MAFG: variants seen among roughly 807,000 people sequenced by gnomAD.
MAFG encodes the protein transcription factor MafG.
In MAFG, 3 loss-of-function variants were observed where a neutral mutation model predicts 12.2. That is an observed-to-expected ratio of 0.25 (90% confidence interval 0.11 to 0.64). MAFG has a LOEUF of 0.64. Among genes scored for constraint, MAFG ranks in the 30% least tolerant of loss-of-function variants. The pLI is 0.85. For synonymous variants in MAFG, 126 were observed against 109.1 expected, an observed-to-expected ratio of 1.15 and a Z score of -0.96; for missense variants, 153 against 235.5, an observed-to-expected ratio of 0.65 and a Z score of 2.29.
chr17:81,927,374 G>A (rs2040950255), intron 1 of MAFG, among the ~76,000 whole-genome samples, 154 bp downstream of exon 1: 1 of 151,240 alleles, frequency 6.6e-6, no homozygotes, highest in Admixed American at 6.6e-5. Flanking sequence ...CGCCAGCAGG[G>A]TGCGCGGCAG....
At chr17:81,923,481 A>C in intron 1 of MAFG, 2 of 369,578 alleles carry the variant, frequency 5.4e-6, no homozygotes, top group Non-Finnish European at 4.9e-6. Context: ...GCTGTTAGGA[A>C]GGCAGGCGCA....
In MAFG at chr17:81,918,487, G is replaced by C. The variant is rs1490345932; in HGVS notation, c.*4118C>G. On this transcript the variant is annotated 3_prime_UTR_variant, in exon 3 of 3. Coordinates refer to ENST00000357736, the MANE Select transcript of MAFG (RefSeq NM_002359.4). ...CCTGCCCGCCCTACACGAAGTGTGA[G>C]CGCTCGGGCCTCACCCCGCATCCAA... 6.0e-6 allele frequency: 1 copy of C among 167,854 alleles called. No individual in the cohort carries two copies. The highest frequency in any genetic ancestry group is 1.3e-5 in the Non-Finnish European group (1 of 77,812). 10.4% of individuals were successfully genotyped at this position (167,854 alleles called of 1,614,324 possible). A position where few individuals can be genotyped will look rare whatever the true frequency, so the allele number is the denominator to read the frequency against.
chr17:81,928,757 A>G (rs970111764), upstream of MAFG, among the ~76,000 whole-genome samples: 3 of 152,134 alleles, frequency 2.0e-5, no homozygotes, highest in Non-Finnish European at 2.9e-5. The surrounding 1 kb of genome is among the most constrained non-coding windows in gnomAD (Gnocchi z 8.1). Flanking sequence ...CGAGGCCTCA[A>G]CCTTAGTGTA....
chr17:81,923,319 C>G (rs2040913480), intron 1 of MAFG, 105 bp from the exon 2 acceptor site: 1 of 730,852 alleles, frequency 1.4e-6, no homozygotes, highest in Non-Finnish European at 2.1e-6. Flanking sequence ...ACAGCCCGCC[C>G]CAGCCTGCTG....
At position 81,922,532 on chromosome 17, in the gene MAFG, A is replaced by T; in HGVS notation, c.*73T>A. 8.6e-7 allele frequency: 1 copy of T among 1,161,690 alleles called. No individual in the cohort carries two copies. The highest frequency in any genetic ancestry group is 1.2e-6 in the Non-Finnish European group (1 of 864,574). The allele number at this position is 1,161,690 out of a possible 1,614,324, so 72.0% of individuals were successfully genotyped here. The stretch of plus-strand genomic sequence containing the variant: ...GGGAGGAAAGAGAAGAGAAGGAAAC[A>T]GAGGGACAGGGCAGCCAAATTCGCC... On this transcript the variant is annotated 3_prime_UTR_variant, in exon 3 of 3. Coordinates refer to ENST00000357736, the MANE Select transcript of MAFG (RefSeq NM_002359.4).
Position 81,921,686 on chromosome 17 carries a change from TTC to T in MAFG, c.*917_*918del, listed in dbSNP as rs1317186235. On this transcript the variant is annotated 3_prime_UTR_variant, in exon 3 of 3. Transcript: ENST00000357736. Reference sequence around the variant, plus strand: ...TAAGTTTACAAGAAAGGGATTTTTTTTCTTTTTTTTTCTTTTTTTTTTAACTA... The same window carrying T: ...TAAGTTTACAAGAAAGGGATTTTTTTTTTTTTTTTCTTTTTTTTTTAACTA... 2.1e-4 allele frequency: 31 copies of T among 151,092 alleles called. No individual in the cohort carries two copies. The highest frequency in any genetic ancestry group is 6.2e-4 in the African/African-American group (25 of 40,636). The allele number at this position is 151,092 out of a possible 1,614,324, so 9.4% of individuals were successfully genotyped here.
At chr17:81,929,943 CCCGCAGGCACCTCCCCGGCATCCT>C (rs1358919578), upstream of MAFG, 2 of 146,184 alleles carry the variant, frequency 1.4e-5, no homozygotes, top group African/African-American at 5.8e-5. The surrounding 1 kb of genome is among the most constrained non-coding windows in gnomAD (Gnocchi z 5.7). Flanking sequence ...GGGACTGAGC[CCCGCAGGCACCTCCCCGGCATCCT>C]CCCGCCCCAG....
chr17:81,923,309 A>C, intron 1 of MAFG, 95 bp from the exon 2 acceptor site: 8 of 669,600 alleles, frequency 1.2e-5, no homozygotes, highest in Non-Finnish European at 1.5e-5. Flanking sequence ...CCCTTGCCGC[A>C]CAGCCCGCCC....
Position 81,923,194 on chromosome 17 carries a change from G to T in MAFG, c.-9C>A, listed in dbSNP as rs185933287. 43 of 1,599,274 alleles carry T rather than the reference G, an allele frequency of 2.7e-5. No individual in the cohort carries two copies. In the African/African-American group the frequency reaches 5.0e-4, roughly 19 times the overall value. ...TTATTGGGGGTCGTCATAACCCGGG[G>T]GCACAGCGAGCAGGCGCTCTCTGCA... On this transcript the variant is annotated 5_prime_UTR_variant, in exon 2 of 3. Coordinates refer to ENST00000357736, the MANE Select transcript of MAFG (RefSeq NM_002359.4).
chr17:81,925,904 T>C (rs1237822209), intron 1 of MAFG, among the ~76,000 whole-genome samples: 4 of 150,058 alleles, frequency 2.7e-5, no homozygotes, highest in African/African-American at 4.9e-5. Context: ...AGCTAAAACA[T>C]TGAAACATCT....
upstream of MAFG, chr17:81,928,269 T>C (rs2040959459): frequency 6.6e-6 from 1 of 152,072 alleles, no homozygotes; most frequent in Non-Finnish European, 1.5e-5. This position sits in a 1 kb window ranked among gnomAD's most constrained non-coding sequence, Gnocchi z 8.1. Flanking sequence ...CTGCGCCACG[T>C]GTACCCAGAG....
At chr17:81,931,108 G>A (rs1210585258), upstream of MAFG, among the ~76,000 whole-genome samples, 1 of 152,108 alleles carries the variant, frequency 6.6e-6, no homozygotes, top group Non-Finnish European at 1.5e-5. Context: ...GGCTCTACCT[G>A]CCTCTGGCCT....
rs1192745212 is a variant in MAFG, at chr17:81,922,455, C to T, written c.*150G>A. 1.7e-6 allele frequency: 1 copy of T among 591,438 alleles called. No individual in the cohort carries two copies. Among genetic ancestry groups the T allele is most frequent in the Non-Finnish European group, 2.7e-6 (1 of 366,308 alleles). 36.6% of individuals were successfully genotyped at this position (591,438 alleles called of 1,614,324 possible). ...AGATCAAAGGGGCTCAGCCCGGCGCCCCTGGGGTACAGGTTGTGCTTTGCA... is the reference window on the plus strand; with the variant it reads ...AGATCAAAGGGGCTCAGCCCGGCGCTCCTGGGGTACAGGTTGTGCTTTGCA... On this transcript the variant is annotated 3_prime_UTR_variant, in exon 3 of 3. Transcript: ENST00000357736.
chr17:81,923,263 C>CG (rs1555620238), intron 1 of MAFG, 49 bp from the exon 2 acceptor site: 6 of 218,712 alleles, frequency 2.7e-5, no homozygotes, highest in Non-Finnish European at 2.4e-5. Context: ...CCTCGCCGCA[C>CG]CCCCCCCCCC....
upstream of MAFG, chr17:81,927,833 G>C (rs1457864979): frequency 6.6e-6 from 1 of 152,238 alleles, no homozygotes; most frequent in East Asian, 1.9e-4. Flanking sequence ...CTGCGCATGC[G>C]CAACCCGCGC....
At chr17:81,923,260 G>GCCCCCCCCCCCCCCCCC (rs1418757108) in intron 1 of MAFG, 46 bp from the exon 2 acceptor site, 1 of 428,374 alleles carries the variant, frequency 2.3e-6, no homozygotes, top group Non-Finnish European at 3.1e-6. Flanking sequence ...CACCCTCGCC[G>GCCCCCCCCCCCCCCCCC]CACCCCCCCC....
At chr17:81,923,408 AC>A in intron 1 of MAFG, 194 bp from the exon 2 acceptor site, 1 of 457,748 alleles carries the variant, frequency 2.2e-6, no homozygotes, top group Non-Finnish European at 3.9e-6. Context: ...CTTCCTGTCC[AC>A]CCTGCCCCTA....
chr17:81,921,608 GATAACTCTGTGT>G lies in MAFG; in HGVS notation c.*985_*996del, dbSNP rs2040890030. On this transcript the variant is annotated 3_prime_UTR_variant, in exon 3 of 3. Transcript: ENST00000357736. Reference sequence around the variant, plus strand: ...AAACTAAGTTTTATAAATAATGTCTGATAACTCTGTGTATATAAAAACTAAACTCCAACAGCC... The same window carrying G: ...AAACTAAGTTTTATAAATAATGTCTGATATAAAAACTAAACTCCAACAGCC... 1.3e-5 allele frequency: 2 copies of G among 149,536 alleles called. No homozygotes were observed. Among genetic ancestry groups the G allele is most frequent in the African/African-American group, 4.9e-5 (2 of 40,426 alleles). 9.3% of individuals were successfully genotyped at this position (149,536 alleles called of 1,614,324 possible). A position where few individuals can be genotyped will look rare whatever the true frequency, so the allele number is the denominator to read the frequency against.
rs1016961706 is a variant in MAFG, at chr17:81,922,517, A to T, written c.*88T>A. On this transcript the variant is annotated 3_prime_UTR_variant, in exon 3 of 3. Transcript: ENST00000357736. ...AGGGTGGGGAAGAGAGGGAGGAAAG[A>T]GAAGAGAAGGAAACAGAGGGACAGG... 9 of 1,041,418 alleles carry T rather than the reference A, an allele frequency of 8.6e-6. No homozygotes were observed. The African/African-American group carries it at 1.4e-4, about 16-fold the overall frequency. 64.5% of individuals were successfully genotyped at this position (1,041,418 alleles called of 1,614,324 possible). A position where few individuals can be genotyped will look rare whatever the true frequency, so the allele number is the denominator to read the frequency against.
Sources: allele counts gnomAD v4.1 joint callset (sites outside exome capture counted in the v4.1 genomes callset), GRCh38; gene constraint gnomAD v4.1.1; non-coding constraint Gnocchi (gnomAD v3.1); transcripts MANE v1.5; gene names NCBI Gene and HGNC (gene_info 2026-07-23, HGNC 2026-07-21).